The following SCN9A variants were observed in gnomAD, a reference collection of about 807,000 sequenced individuals.
The protein encoded by SCN9A is sodium channel protein type 9 subunit alpha.
SCN9A carries 131 observed loss-of-function variants against 187.0 expected under a neutral mutation model. The observed-to-expected ratio is 0.70, with a 90% CI of 0.61 to 0.81. SCN9A has a LOEUF of 0.81. Ranked by LOEUF, SCN9A falls within the 30% of genes least tolerant of loss-of-function variation. The probability of loss-of-function intolerance (pLI) is 0.00; values close to 1 mark genes in which losing one functional copy is unlikely to be tolerated. For synonymous variants in SCN9A, 809 were observed against 808.6 expected, an observed-to-expected ratio of 1.00 and a Z score of -0.01; for missense variants, 2,252 against 2,396.6, an observed-to-expected ratio of 0.94 and a Z score of 1.26.
chr2:166,370,220 A>ATCATCATCATC (rs1553507698), intron 1 of SCN9A, among the ~76,000 whole-genome samples: 1,799 of 97,724 alleles, frequency 0.018, 22 homozygotes, highest in Middle Eastern at 0.031. Flanking sequence ...TAATAATAAT[A>ATCATCATCATC]ATAATAATAA....
intron 9 of SCN9A, among the ~76,000 whole-genome samples, chr2:166,290,247 C>T (rs186560444): frequency 2.0e-3 from 299 of 152,152 alleles, no homozygotes; most frequent in Non-Finnish European, 3.2e-3. Context: ...GACATGATCT[C>T]ATTCTTTTTT....
At chr2:166,297,740 T>C (rs1698380296) in intron 7 of SCN9A, among the ~76,000 whole-genome samples, 4 of 151,792 alleles carry the variant, frequency 2.6e-5, no homozygotes, top group African/African-American at 7.3e-5. Context: ...TTATACAGTT[T>C]AAAAAAAGGA....
intron 17 of SCN9A, among the ~76,000 whole-genome samples, chr2:166,264,437 G>A (rs971808270): frequency 6.6e-6 from 1 of 151,910 alleles, no homozygotes; most frequent in Non-Finnish European, 1.5e-5. Flanking sequence ...GTACCTTTGA[G>A]ATAACAGCAT....
intron 13 of SCN9A, 55 bp downstream of exon 13, chr2:166,281,624 G>C: frequency 6.5e-7 from 1 of 1,541,938 alleles, no homozygotes; most frequent in Non-Finnish European, 8.9e-7. Context: ...AGGTTGACCA[G>C]ATTTATGTTA....
In SCN9A at chr2:166,280,341, A is replaced by C. The variant is rs1034922696; in HGVS notation, c.2343+16T>G. On this transcript the variant is annotated intron_variant, in intron 14 of 26. Coordinates refer to ENST00000642356, the MANE Select transcript of SCN9A (RefSeq NM_001365536.1). The stretch of plus-strand genomic sequence containing the variant: ...AAGAGAAACTATGAGTACATAACAC[A>C]CAATAAGAGACTTACCAAATTTCCT... 7.2e-7 allele frequency: 1 copy of C among 1,380,410 alleles called. No individual in the cohort carries two copies. Among genetic ancestry groups the C allele is most frequent in the Non-Finnish European group, 1.0e-6 (1 of 990,966 alleles). The allele number at this position is 1,380,410 out of a possible 1,614,324, so 85.5% of individuals were successfully genotyped here.
chr2:166,300,813 GATTC>G lies in SCN9A; in HGVS notation c.901+2273_901+2276del, dbSNP rs1374661296. 8 of 150,902 alleles carry G rather than the reference GATTC, an allele frequency of 5.3e-5. 1 individual carries two copies. The highest frequency in any genetic ancestry group is 2.0e-4 in the African/African-American group (8 of 40,252). The allele number at this position is 150,902 out of a possible 1,614,324, so 9.3% of individuals were successfully genotyped here. A position where few individuals can be genotyped will look rare whatever the true frequency, so the allele number is the denominator to read the frequency against. ...TTTGGAAGACAGGATTGTGGTATAA[GATTC>G]ATTATTAGCTAATTGTCATGCATTC... On this transcript the variant is annotated intron_variant, in intron 7 of 26. Transcript: ENST00000642356.
chr2:166,233,164 T>C (rs1482716873), intron 21 of SCN9A, among the ~76,000 whole-genome samples, 176 bp downstream of exon 21: 1 of 139,590 alleles, frequency 7.2e-6, no homozygotes, highest in Non-Finnish European at 1.5e-5. Context: ...CTATATAGTA[T>C]ACATATGCAT....
intron 1 of SCN9A, among the ~76,000 whole-genome samples, chr2:166,338,146 A>G (rs1233601856): frequency 6.6e-6 from 1 of 152,068 alleles, no homozygotes; most frequent in African/African-American, 2.4e-5. Flanking sequence ...AAGCATATCT[A>G]TGCAAATACA....
At position 166,199,978 on chromosome 2, in the gene SCN9A, T is replaced by TTTTTTTTTTTG. The variant is rs1693414899; in HGVS notation, c.4775-115_4775-114insCAAAAAAAAAA. 2.0e-5 allele frequency: 4 copies of TTTTTTTTTTTG among 199,796 alleles called. No individual in the cohort carries two copies. The African/African-American group carries it at 3.6e-4, about 18-fold the overall frequency. 12.4% of individuals were successfully genotyped at this position (199,796 alleles called of 1,614,324 possible). On this transcript the variant is annotated intron_variant, in intron 26 of 26. Transcript: ENST00000642356. ...CATTTCTTATGAATTCAAGACAGTT[T>TTTTTTTTTTTG]TTTTTTTTTTTTTTTTTTTTTTTTT...
intron 1 of SCN9A, among the ~76,000 whole-genome samples, chr2:166,313,483 C>T (rs931416398): frequency 1.3e-5 from 2 of 151,990 alleles, no homozygotes; most frequent in Non-Finnish European, 2.9e-5. Flanking sequence ...ATGGCAGTGA[C>T]TTCTTTCCTT....
intron 2 of SCN9A, among the ~76,000 whole-genome samples, chr2:166,309,793 G>A (rs1698882706): frequency 1.4e-5 from 2 of 147,798 alleles, no homozygotes; most frequent in South Asian, 4.4e-4. Context: ...GCATCGCCAA[G>A]TCAATCCTAA....
intron 2 of SCN9A, among the ~76,000 whole-genome samples, chr2:166,310,288 A>G (rs1698900295): frequency 1.2e-5 from 1 of 83,228 alleles, no homozygotes; most frequent in South Asian, 3.2e-4. Flanking sequence ...GCACAGCAAA[A>G]TAAACTACCA....
intron 26 of SCN9A, among the ~76,000 whole-genome samples, chr2:166,200,679 A>G (rs1283228010): frequency 6.6e-6 from 1 of 152,122 alleles, no homozygotes; most frequent in Non-Finnish European, 1.5e-5. Flanking sequence ...TCTGTCGCCA[A>G]AGCTGGAGTG....
chr2:166,363,001 C>G (rs1042116509), intron 1 of SCN9A, among the ~76,000 whole-genome samples: 2 of 151,858 alleles, frequency 1.3e-5, no homozygotes, highest in African/African-American at 4.8e-5. Context: ...TTGTAACTCC[C>G]CAGTGGGAAA....
chr2:166,287,034 G>C (rs1047716363), intron 10 of SCN9A, among the ~76,000 whole-genome samples: 1 of 152,112 alleles, frequency 6.6e-6, no homozygotes, highest in Non-Finnish European at 1.5e-5. Flanking sequence ...TAAAGATTGA[G>C]TTATTTGAAA....
Position 166,362,346 on chromosome 2 carries a change from C to T in SCN9A, c.-51+13351G>A, listed in dbSNP as rs371537833. 1.6e-4 allele frequency among the ~76,000 whole-genome samples: 24 copies of T among 152,074 alleles called. No individual in the cohort carries two copies. In the East Asian group the frequency reaches 2.7e-3, roughly 17 times the overall value. On this transcript the variant is annotated intron_variant, in intron 1 of 26. Transcript: ENST00000642356. The stretch of plus-strand genomic sequence containing the variant: ...TGGCAAGGTATCTAGGAACCCTCAC[C>T]ATAATCTGGGAATATGATGAAACTC...
chr2:166,233,194 T>C (rs1350521226), intron 21 of SCN9A, 146 bp downstream of exon 21: 2 of 341,616 alleles, frequency 5.9e-6, no homozygotes, highest in Non-Finnish European at 9.2e-6. Flanking sequence ...TATGCATATG[T>C]ATATATGTAT....
At chr2:166,343,927 G>A (rs1424668375) in intron 1 of SCN9A, among the ~76,000 whole-genome samples, 1 of 152,208 alleles carries the variant, frequency 6.6e-6, no homozygotes, top group Admixed American at 6.5e-5. Flanking sequence ...AATGTAAAGT[G>A]AGTAGAGGGG....
chr2:166,359,496 T>A (rs17817547), intron 1 of SCN9A, among the ~76,000 whole-genome samples: 55 of 152,126 alleles, frequency 3.6e-4, no homozygotes, highest in African/African-American at 1.3e-3. Flanking sequence ...ATACTTTTCA[T>A]TAAATACTTG....
Sources: gnomAD v4.1 joint callset for allele counts (sites outside exome capture counted in the v4.1 genomes callset) on GRCh38, gnomAD v4.1.1 for gene constraint, MANE v1.5 for transcripts, NCBI Gene and HGNC (gene_info 2026-07-23, HGNC 2026-07-21) for gene names.